Variants in CCDC148 observed in about 807,000 individuals in gnomAD.
CCDC148 encodes the protein coiled-coil domain-containing protein 148.
Under a neutral mutation model 85.7 loss-of-function variants are expected in CCDC148, and 89 were observed. That is an observed-to-expected ratio of 1.04 (90% CI 0.87 to 1.24). The LOEUF is 1.24. Ranked by LOEUF, CCDC148 falls within the 50% of genes most tolerant of loss-of-function variation. CCDC148 has a pLI of 0.00. For synonymous variants in CCDC148, 230 were observed against 213.9 expected (o/e 1.08, Z -0.66); for missense variants, 692 against 671.7 (o/e 1.03, Z -0.33).
chr2:158,285,779 A>G, intron 9 of CCDC148, among the ~76,000 whole-genome samples: 1 of 150,306 alleles, frequency 6.7e-6, no homozygotes, highest in East Asian at 2.0e-4. Context: ...CTCATGATCC[A>G]CCCGCCTCAG....
At chr2:158,273,517 T>C (rs1444933114) in intron 9 of CCDC148, among the ~76,000 whole-genome samples, 1 of 152,162 alleles carries the variant, frequency 6.6e-6, no homozygotes, top group East Asian at 1.9e-4. Flanking sequence ...TTTGCAGACC[T>C]CAGGGGAAGA....
intron 1 of CCDC148, among the ~76,000 whole-genome samples, chr2:158,427,886 TG>T (rs1423997923): frequency 6.6e-6 from 1 of 151,712 alleles, no homozygotes; most frequent in African/African-American, 2.4e-5. Flanking sequence ...AAGAAGGAAG[TG>T]GGGCATTTTC....
chr2:158,350,379 A>G (rs1436259882), intron 2 of CCDC148, among the ~76,000 whole-genome samples: 1 of 152,194 alleles, frequency 6.6e-6, no homozygotes, highest in African/African-American at 2.4e-5. Flanking sequence ...TATTAGAAAT[A>G]TAAGTGTGTA....
chr2:158,433,740 A>C (rs929688117), intron 1 of CCDC148, among the ~76,000 whole-genome samples: 2 of 152,194 alleles, frequency 1.3e-5, no homozygotes, highest in African/African-American at 4.8e-5. Flanking sequence ...AAGCTGTGAC[A>C]GACGGTACCT....
chr2:158,276,343 A>G (rs1396085063), intron 9 of CCDC148, among the ~76,000 whole-genome samples: 1 of 152,190 alleles, frequency 6.6e-6, no homozygotes, highest in Admixed American at 6.5e-5. Context: ...CTGAGGCACA[A>G]GGATCTCTTG....
In CCDC148 at chr2:158,446,535, A is replaced by G. The variant is rs185811887; in HGVS notation, c.25+9880T>C. 4.2e-3 allele frequency among the ~76,000 whole-genome samples: 645 copies of G among 152,258 alleles called. 10 individuals are homozygous for G. The highest frequency in any genetic ancestry group is 0.015 in the African/African-American group (627 of 41,548). ...AGGAATATTTTTAATCATGTTAGAAAATGTTTTCAAATTTATTAAGTGTTC... is the reference window on the plus strand; with the variant it reads ...AGGAATATTTTTAATCATGTTAGAAGATGTTTTCAAATTTATTAAGTGTTC... On this transcript the variant is annotated intron_variant, in intron 1 of 13. Coordinates refer to ENST00000283233, the MANE Select transcript of CCDC148 (RefSeq NM_138803.4).
intron 7 of CCDC148, among the ~76,000 whole-genome samples, chr2:158,331,614 T>C (rs1174431775): frequency 6.6e-6 from 1 of 152,116 alleles, no homozygotes; most frequent in Admixed American, 6.5e-5. Flanking sequence ...GGTGTTAAAG[T>C]CTCCCATTAT....
At chr2:158,196,129 A>T (rs904340251) in intron 11 of CCDC148, among the ~76,000 whole-genome samples, 6 of 152,170 alleles carry the variant, frequency 3.9e-5, no homozygotes, top group Admixed American at 3.9e-4. Flanking sequence ...GCTAGTCGTT[A>T]AACACAGGCA....
At chr2:158,313,596 C>A (rs1034462337) in intron 8 of CCDC148, among the ~76,000 whole-genome samples, 160 bp downstream of exon 8, 1 of 152,192 alleles carries the variant, frequency 6.6e-6, no homozygotes, top group African/African-American at 2.4e-5. Context: ...AAAAAATGAC[C>A]TGCACAGGCT....
chr2:158,357,971 C>T (rs759905757), intron 2 of CCDC148, among the ~76,000 whole-genome samples: 23 of 152,138 alleles, frequency 1.5e-4, no homozygotes, highest in Non-Finnish European at 2.5e-4. Context: ...TGCAAAATCA[C>T]TTGCACATAA....
chr2:158,330,212 C>T (rs148432417), intron 7 of CCDC148, among the ~76,000 whole-genome samples: 2,229 of 152,236 alleles, frequency 0.015, 28 homozygotes, highest in Non-Finnish European at 0.024. Context: ...GTGTTTTTAG[C>T]ATGAAGCGTT....
At position 158,455,101 on chromosome 2, in the gene CCDC148, A is replaced by C. The variant is rs6722328; in HGVS notation, c.25+1314T>G. ...ATTTGATGTTATTGAAATTTAAAAG[A>C]AGCAAAATCATTGGTATCTTTTCAT... is the stretch of plus-strand genomic sequence containing the variant. On this transcript the variant is annotated intron_variant, in intron 1 of 13. Transcript: ENST00000283233. Among the ~76,000 whole-genome samples, 879 of 152,336 alleles carry C rather than the reference A, an allele frequency of 5.8e-3. 5 individuals carry two copies. The highest frequency in any genetic ancestry group is 0.02 in the African/African-American group (830 of 41,560).
At chr2:158,261,078 C>A (rs1194244336) in intron 9 of CCDC148, among the ~76,000 whole-genome samples, 1 of 151,670 alleles carries the variant, frequency 6.6e-6, no homozygotes, top group Non-Finnish European at 1.5e-5. Context: ...GCAAAAAGAA[C>A]AAACAAAGCT....
At chr2:158,374,267 C>G (rs1402575955) in intron 1 of CCDC148, among the ~76,000 whole-genome samples, 2 of 152,012 alleles carry the variant, frequency 1.3e-5, no homozygotes, top group Non-Finnish European at 2.9e-5. Flanking sequence ...ACTCAGGTGT[C>G]AATCATAGCA....
At chr2:158,315,693 G>C (rs755015655) in intron 7 of CCDC148, among the ~76,000 whole-genome samples, 6 of 151,980 alleles carry the variant, frequency 3.9e-5, no homozygotes, top group Non-Finnish European at 8.8e-5. Flanking sequence ...GATGCTGTGA[G>C]TCTTGGCAGA....
At chr2:158,263,822 C>A (rs1339064640) in intron 9 of CCDC148, among the ~76,000 whole-genome samples, 1 of 151,820 alleles carries the variant, frequency 6.6e-6, no homozygotes, top group Non-Finnish European at 1.5e-5. Context: ...ATCAAAAATC[C>A]TTTCCTGTAA....
intron 1 of CCDC148, among the ~76,000 whole-genome samples, chr2:158,359,422 C>A (rs1683826152): frequency 6.6e-6 from 1 of 152,186 alleles, no homozygotes; most frequent in Non-Finnish European, 1.5e-5. Context: ...CTCTGGTCTG[C>A]AGCGCCCAGC....
rs142748328 is a variant in CCDC148, at chr2:158,301,065, C to T, written c.1110+8368G>A. Among the ~76,000 whole-genome samples the T allele has an allele frequency of 8.1e-3, 1,229 of 152,166 alleles. 11 individuals carry two copies. The highest frequency in any genetic ancestry group is 0.027 in the African/African-American group (1,138 of 41,512). On this transcript the variant is annotated intron_variant, in intron 9 of 13. Transcript: ENST00000283233. ...GTAGAGGCAGGGTCTTGCTATGTTG[C>T]CCAGGTTGGTCTTGAACTCCTGGCT... is the stretch of plus-strand genomic sequence containing the variant.
At chr2:158,325,737 T>A (rs1452804294) in intron 7 of CCDC148, among the ~76,000 whole-genome samples, 1 of 152,176 alleles carries the variant, frequency 6.6e-6, no homozygotes, top group African/African-American at 2.4e-5. Flanking sequence ...CCCATCTAAG[T>A]TGATGGCAAC....
Sources: allele counts gnomAD v4.1 joint callset (sites outside exome capture counted in the v4.1 genomes callset), GRCh38; gene constraint gnomAD v4.1.1; transcripts MANE v1.5; gene names NCBI Gene and HGNC (gene_info 2026-07-23, HGNC 2026-07-21).